The following PHF21B variants were observed in gnomAD, a reference collection of about 807,000 sequenced individuals.
The protein encoded by PHF21B is PHD finger protein 4.
PHF21B carries 22 observed loss-of-function variants against 62.2 expected under a neutral mutation model. The ratio of observed to expected loss-of-function variants is 0.35; its 90% CI spans 0.25 to 0.51. The LOEUF is 0.51. Among genes scored for constraint, PHF21B ranks in the 20% least tolerant of loss-of-function variants. The pLI is 0.97. For missense variants in PHF21B, 701 were observed against 707.9 expected (o/e 0.99, Z 0.11); for synonymous variants, 341 against 314.7 (o/e 1.08, Z -0.88).
At chr22:44,933,965 C>A (rs1020862686) in intron 2 of PHF21B, among the ~76,000 whole-genome samples, 1 of 152,238 alleles carries the variant, frequency 6.6e-6, no homozygotes, top group Non-Finnish European at 1.5e-5. Flanking sequence ...CTGCCATGCT[C>A]AGCAGTCGCT....
Position 44,883,023 on chromosome 22 carries a change from C to T in PHF21B, c.*63G>A. 1 of 1,503,850 alleles carries T rather than the reference C, an allele frequency of 6.6e-7. No individual in the cohort carries two copies. The highest frequency in any genetic ancestry group is 9.0e-7 in the Non-Finnish European group (1 of 1,117,048). 93.2% of individuals were successfully genotyped at this position (1,503,850 alleles called of 1,614,324 possible). On this transcript the variant is annotated 3_prime_UTR_variant, in exon 13 of 13. Coordinates refer to ENST00000313237, the MANE Select transcript of PHF21B (RefSeq NM_138415.5). ...GTTTATGAATTAAGGCCGACAGAAC[C>T]CCCAGGCTGTGTAAGCAGGGTCCCA...
At chr22:44,927,421 A>G (rs374735290) in intron 2 of PHF21B, among the ~76,000 whole-genome samples, 78 of 152,288 alleles carry the variant, frequency 5.1e-4, no homozygotes, top group African/African-American at 1.9e-3. Flanking sequence ...GGGCTCTGCA[A>G]CCATGGACCT....
At chr22:44,921,227 G>A (rs931861384) in intron 2 of PHF21B, among the ~76,000 whole-genome samples, 1 of 152,184 alleles carries the variant, frequency 6.6e-6, no homozygotes, top group Admixed American at 6.5e-5. Context: ...TAAGGAGAAG[G>A]GAGATGGCAC....
chr22:44,930,198 C>T (rs755795252), intron 2 of PHF21B, among the ~76,000 whole-genome samples: 3 of 152,310 alleles, frequency 2.0e-5, no homozygotes, highest in East Asian at 1.9e-4. Flanking sequence ...GTCCCATAAA[C>T]GCACACAGCC....
chr22:44,974,716 A>G (rs1367143846), intron 2 of PHF21B, among the ~76,000 whole-genome samples: 1 of 152,350 alleles, frequency 6.6e-6, no homozygotes, highest in East Asian at 1.9e-4. Flanking sequence ...CTCTTCAAAC[A>G]GCAGGTATCC....
intron 2 of PHF21B, among the ~76,000 whole-genome samples, chr22:44,936,094 G>A (rs1297195927): frequency 6.6e-6 from 1 of 152,240 alleles, no homozygotes; most frequent in African/African-American, 2.4e-5. Context: ...AACATTCCTT[G>A]TCCTCCAAAT....
rs898517648 is a variant in PHF21B at position 44,992,751 on chromosome 22, G to A, written c.120+15794C>T. ...AGTAGGCATAAGAATGAGTGATGTG[G>A]CGGGGTGGGGGACAGGAGGACGGGA... On this transcript the variant is annotated intron_variant, in intron 2 of 12. Transcript: ENST00000313237. 7.2e-5 allele frequency among the ~76,000 whole-genome samples: 11 copies of A among 152,180 alleles called. 1 individual carries two copies. Among genetic ancestry groups the A allele is most frequent in the Non-Finnish European group, 1.5e-4 (10 of 68,032 alleles).
chr22:44,990,643 A>C (rs1345112501), intron 2 of PHF21B, among the ~76,000 whole-genome samples: 1 of 152,232 alleles, frequency 6.6e-6, no homozygotes, highest in Non-Finnish European at 1.5e-5. Context: ...CTGTGATTCT[A>C]AGTAAGATGC....
rs56878868 is a variant in PHF21B at position 44,896,880 on chromosome 22, G to GTTTTT, written c.832-802_832-798dup. Among the ~76,000 whole-genome samples the GTTTTT allele has an allele frequency of 2.8e-3, 232 of 84,042 alleles. 14 individuals carry two copies. The East Asian group carries it at 0.064, about 23-fold the overall frequency. The allele number at this position is 84,042 out of a possible 152,430, so 55.1% of individuals were successfully genotyped here. On this transcript the variant is annotated intron_variant, in intron 5 of 12. Coordinates refer to ENST00000313237, the MANE Select transcript of PHF21B (RefSeq NM_138415.5). Reference sequence around the variant, plus strand: ...AACAGGGTGGCACTTAGTTTTATCTGTTTTTTTTTTTTTTTTGAGACAGGT... The same window carrying GTTTTT: ...AACAGGGTGGCACTTAGTTTTATCTGTTTTTTTTTTTTTTTTTTTTTGAGACAGGT...
At chr22:44,888,209 T>C (rs1336607624) in intron 9 of PHF21B, 88 bp from the exon 10 acceptor site, 4 of 1,342,344 alleles carry the variant, frequency 3.0e-6, no homozygotes, top group Non-Finnish European at 9.8e-7. Context: ...GGCAGCTGTG[T>C]CTGACCTACA....
At position 44,948,031 on chromosome 22, in the gene PHF21B, G is replaced by A. The variant is rs564284350; in HGVS notation, c.121-27541C>T. Among the ~76,000 whole-genome samples the A allele has an allele frequency of 3.7e-4, 17 of 45,380 alleles. No homozygotes were observed. The South Asian group carries it at 7.5e-3, about 20-fold the overall frequency. The allele number at this position is 45,380 out of a possible 152,430, so 29.8% of individuals were successfully genotyped here. A position where few individuals can be genotyped will look rare whatever the true frequency, so the allele number is the denominator to read the frequency against. On this transcript the variant is annotated intron_variant, in intron 2 of 12. Coordinates refer to ENST00000313237, the MANE Select transcript of PHF21B (RefSeq NM_138415.5). ...TGTCCCTCCTCCCCACTGCTGTCCC[G>A]TTCGGACGTGATGCTGCCTGTTTTG...
At chr22:44,974,528 C>T (rs2072701220) in intron 2 of PHF21B, among the ~76,000 whole-genome samples, 2 of 152,146 alleles carry the variant, frequency 1.3e-5, no homozygotes, top group South Asian at 4.1e-4. Flanking sequence ...GTGTTGGTAC[C>T]ACCCTGCACA....
intron 2 of PHF21B, among the ~76,000 whole-genome samples, chr22:44,990,321 C>T (rs2073022584): frequency 6.6e-6 from 1 of 152,208 alleles, no homozygotes; most frequent in Non-Finnish European, 1.5e-5. Flanking sequence ...CATAGATACC[C>T]AAATGAATGG....
intron 6 of PHF21B, 111 bp from the exon 7 acceptor site, chr22:44,893,644 T>C: frequency 9.5e-7 from 1 of 1,056,986 alleles, no homozygotes. Context: ...GAAGCCTCTC[T>C]GTGTGCTCAG....
intron 2 of PHF21B, among the ~76,000 whole-genome samples, chr22:44,962,162 G>T (rs780746765): frequency 4.6e-5 from 7 of 152,152 alleles, no homozygotes; most frequent in Admixed American, 6.5e-5. Flanking sequence ...TGATAGCTCT[G>T]TTTTAAGTTC....
intron 2 of PHF21B, among the ~76,000 whole-genome samples, chr22:44,995,757 G>A (rs953445942): frequency 6.6e-6 from 1 of 151,972 alleles, no homozygotes; most frequent in Non-Finnish European, 1.5e-5. Context: ...AGACAGAGAT[G>A]AGGGAGGGAG....
intron 10 of PHF21B, among the ~76,000 whole-genome samples, chr22:44,886,597 A>T (rs556465649): frequency 6.6e-6 from 1 of 151,998 alleles, no homozygotes; most frequent in South Asian, 2.1e-4. Flanking sequence ...TGAGGTGGGA[A>T]GATTGTTTGA....
rs1311795457 is a variant in PHF21B at position 45,007,891 on chromosome 22, CTCCCCGGAGGG to C, written c.120+643_120+653del. The stretch of plus-strand genomic sequence containing the variant: ...ACTAAGTCACAATGGACAACTTTTC[CTCCCCGGAGGG>C]GGCCCGGAGGGGGGGGAGCGGTCGC... On this transcript the variant is annotated intron_variant, in intron 2 of 12. Transcript: ENST00000313237. Among the ~76,000 whole-genome samples the C allele has an allele frequency of 3.3e-5, 5 of 151,740 alleles. No homozygotes were observed. The East Asian group carries it at 5.9e-4, about 18-fold the overall frequency.
Position 44,885,528 on chromosome 22 carries a change from G to T in PHF21B, c.1275C>A (p.Val425=). Residue 425 remains valine (V), a splice_region_variant and synonymous_variant, in exon 12 of 13, where the codon GTC becomes GTA. Transcript: ENST00000313237. ...GCAGCTTCTGCTTCTCCTCTTCTTT[G>T]ACTAGAAAAGAGAAGGCCAGGTCCC... ...IVHSYVTHKT[V]KEEEKQKLLQ... The T allele has an allele frequency of 1.3e-6, 2 of 1,588,358 alleles. No individual in the cohort carries two copies. Among genetic ancestry groups the T allele is most frequent in the South Asian group, 2.3e-5 (2 of 87,514 alleles).
Sources: allele counts gnomAD v4.1 joint callset (sites outside exome capture counted in the v4.1 genomes callset), GRCh38; gene constraint gnomAD v4.1.1; transcripts MANE v1.5; gene names NCBI Gene and HGNC (gene_info 2026-07-23, HGNC 2026-07-21).